Variants in SNX29 observed in about 807,000 individuals in gnomAD.
The protein encoded by SNX29 is sorting nexin-29.
In SNX29, 78 loss-of-function variants were observed where a neutral mutation model predicts 102.1. That is an observed-to-expected ratio of 0.76 (90% CI 0.64 to 0.92). The LOEUF is 0.92. Ranked by LOEUF, SNX29 falls within the 40% of genes least tolerant of loss-of-function variation. The probability of loss-of-function intolerance (pLI) is 0.00; values close to 1 mark genes in which losing one functional copy is unlikely to be tolerated. For missense variants in SNX29, 1,280 were observed against 1,061.7 expected, an observed-to-expected ratio of 1.21 and a Z score of -2.86; for synonymous variants, 580 against 414.5, an observed-to-expected ratio of 1.40 and a Z score of -4.85.
At chr16:12,540,364 TTC>T (rs1398309534) in intron 20 of SNX29, among the ~76,000 whole-genome samples, 1 of 152,192 alleles carries the variant, frequency 6.6e-6, no homozygotes, top group Non-Finnish European at 1.5e-5. Context: ...CTGTATTAAT[TTC>T]TTATTGTTGC....
chr16:11,995,810 C>T (rs985100498), intron 1 of SNX29, among the ~76,000 whole-genome samples: 1 of 152,012 alleles, frequency 6.6e-6, no homozygotes, highest in African/African-American at 2.4e-5. Flanking sequence ...ACCTGTAATC[C>T]CAGCACTTTG....
At chr16:12,336,733 C>T (rs2081462689) in intron 15 of SNX29, among the ~76,000 whole-genome samples, 1 of 152,104 alleles carries the variant, frequency 6.6e-6, no homozygotes, top group African/African-American at 2.4e-5. Context: ...TCGCTTGAGT[C>T]CAGGAGTTGG....
At chr16:12,508,854 A>G (rs1211386457) in intron 19 of SNX29, among the ~76,000 whole-genome samples, 1 of 151,920 alleles carries the variant, frequency 6.6e-6, no homozygotes, top group African/African-American at 2.4e-5. Flanking sequence ...TTTCTTGGGG[A>G]CACACAATGG....
At chr16:12,229,599 G>GGT (rs2077711779) in intron 14 of SNX29, among the ~76,000 whole-genome samples, 1 of 144,948 alleles carries the variant, frequency 6.9e-6, no homozygotes, top group African/African-American at 2.5e-5. Context: ...GAATGGTGGG[G>GGT]TTTTTTTTTT....
chr16:12,372,729 G>A (rs1431546438), intron 16 of SNX29: 2 of 152,192 alleles, frequency 1.3e-5, no homozygotes, highest in South Asian at 2.1e-4. Flanking sequence ...GAGTTTTTAA[G>A]GATGAGTTGA....
chr16:12,564,581 C>T (rs1328043170), intron 20 of SNX29, among the ~76,000 whole-genome samples: 1 of 152,126 alleles, frequency 6.6e-6, no homozygotes, highest in East Asian at 1.9e-4. Flanking sequence ...CATCCAGACG[C>T]CCCTTTTTCT....
chr16:12,260,562 G>A (rs1346774399), intron 14 of SNX29, among the ~76,000 whole-genome samples: 1 of 152,180 alleles, frequency 6.6e-6, no homozygotes, highest in Non-Finnish European at 1.5e-5. Context: ...TTTCTCTCAT[G>A]TGGGGTGGGG....
chr16:12,113,183 G>A (rs1394488075), intron 11 of SNX29, among the ~76,000 whole-genome samples: 2 of 152,272 alleles, frequency 1.3e-5, no homozygotes, highest in South Asian at 2.1e-4. Context: ...GCATTAGCAC[G>A]GCATCTTTCA....
rs77085728 is a variant in SNX29 at position 12,568,413 on chromosome 16, C to T, written c.2319-93C>T. ...AGCCAGTCACAGTTGCCAATCAGAT[C>T]CCTCCTGCCCTCACACCTGGCTCCC... On this transcript the variant is annotated intron_variant, in intron 20 of 20. Coordinates refer to ENST00000566228, the MANE Select transcript of SNX29 (RefSeq NM_032167.5). The T allele has an allele frequency of 0.015, 23,206 of 1,520,510 alleles. 1,907 individuals are homozygous for T. In the Admixed American group the frequency reaches 0.18, roughly 12 times the overall value. The allele number at this position is 1,520,510 out of a possible 1,614,324, so 94.2% of individuals were successfully genotyped here.
At chr16:12,173,596 C>T (rs1360340872) in intron 13 of SNX29, among the ~76,000 whole-genome samples, 1 of 152,152 alleles carries the variant, frequency 6.6e-6, no homozygotes, top group Non-Finnish European at 1.5e-5. Context: ...CCTCTACGTC[C>T]CAATCAGGAG....
intron 13 of SNX29, among the ~76,000 whole-genome samples, chr16:12,130,456 C>A (rs1484435673): frequency 9.2e-6 from 1 of 109,184 alleles, no homozygotes; most frequent in Non-Finnish European, 1.6e-5. Context: ...GCCTGGGCGA[C>A]AGAGCGAGAC....
intron 20 of SNX29, among the ~76,000 whole-genome samples, chr16:12,562,035 G>A (rs1290214133): frequency 2.0e-5 from 3 of 152,016 alleles, no homozygotes; most frequent in African/African-American, 7.2e-5. Context: ...CATGGATTTA[G>A]GGATGGAATC....
intron 14 of SNX29, among the ~76,000 whole-genome samples, chr16:12,203,293 G>A (rs2076961029): frequency 6.6e-6 from 1 of 152,040 alleles, no homozygotes; most frequent in Non-Finnish European, 1.5e-5. Context: ...ACTCTCAGGT[G>A]GACTGGTGGT....
At chr16:12,409,421 C>CTTTTTTT (rs71139589) in intron 18 of SNX29, among the ~76,000 whole-genome samples, 10 of 89,646 alleles carry the variant, frequency 1.1e-4, no homozygotes, top group South Asian at 4.7e-4. Flanking sequence ...GATTCACTGT[C>CTTTTTTT]TTTTTTTTTT....
chr16:12,014,754 A>G (rs2151071475), intron 3 of SNX29, among the ~76,000 whole-genome samples: 1 of 151,824 alleles, frequency 6.6e-6, no homozygotes, highest in East Asian at 1.9e-4. Flanking sequence ...AAAAAAAGAA[A>G]AGAAAAAGAA....
chr16:12,506,057 C>T (rs1394797198), intron 19 of SNX29, among the ~76,000 whole-genome samples: 3 of 152,146 alleles, frequency 2.0e-5, no homozygotes, highest in African/African-American at 4.8e-5. Flanking sequence ...GCCTCCCAGG[C>T]TCAAGTGATT....
At chr16:12,488,580 G>A (rs1205564316) in intron 19 of SNX29, among the ~76,000 whole-genome samples, 1 of 152,148 alleles carries the variant, frequency 6.6e-6, no homozygotes, top group Admixed American at 6.5e-5. Context: ...CTGAAGCTGT[G>A]TGGAAGTCAT....
rs544717276 is a variant in SNX29 at position 12,539,308 on chromosome 16, C to T, written c.2318+14467C>T. Among the ~76,000 whole-genome samples the T allele has an allele frequency of 8.5e-5, 13 of 152,126 alleles. No homozygotes were observed. The South Asian group carries it at 2.7e-3, about 32-fold the overall frequency. On this transcript the variant is annotated intron_variant, in intron 20 of 20. Coordinates refer to ENST00000566228, the MANE Select transcript of SNX29 (RefSeq NM_032167.5). ...CCCCCACCTCTAAGCCCTTGTCCCT[C>T]CCCCTCTAGTTTTGTCTTTTCAAGA...
intron 18 of SNX29, among the ~76,000 whole-genome samples, chr16:12,408,900 C>G (rs6498293): frequency 0.58 from 87,677 of 152,102 alleles, 25,581 homozygotes; most frequent in Non-Finnish European, 0.63. Flanking sequence ...CCCACTACTT[C>G]TATTGTGGAA....
Sources: gnomAD v4.1 joint callset for allele counts (sites outside exome capture counted in the v4.1 genomes callset) on GRCh38, gnomAD v4.1.1 for gene constraint, MANE v1.5 for transcripts, NCBI Gene and HGNC (gene_info 2026-07-23, HGNC 2026-07-21) for gene names.